The following VEZT variants were observed in gnomAD, a reference collection of about 807,000 sequenced individuals.
VEZT encodes vezatin, adherens junctions transmembrane protein, also known as vezatin.
A neutral mutation model predicts 79.9 loss-of-function variants in VEZT; 39 were observed. The ratio of observed to expected loss-of-function variants is 0.49; its 90% CI spans 0.38 to 0.64. The LOEUF (loss-of-function observed/expected upper bound fraction) is 0.64, where lower values mean the gene tolerates loss of function less well. Among genes scored for constraint, VEZT ranks in the 30% least tolerant of loss-of-function variants. The pLI is 0.00. For synonymous variants in VEZT, 325 were observed against 327.6 expected (o/e 0.99, Z 0.09); for missense variants, 837 against 893.1 (o/e 0.94, Z 0.80).
At position 95,262,974 on chromosome 12, in the gene VEZT, G is replaced by A; in HGVS notation, c.327G>A (p.Val109=). 6.2e-7 allele frequency: 1 copy of A among 1,613,352 alleles called. No individual in the cohort carries two copies. Among genetic ancestry groups the A allele is most frequent in the Non-Finnish European group, 8.5e-7 (1 of 1,179,400 alleles). The change falls in exon 4 of 12, where the codon GTG becomes GTA. Residue 109 remains valine, a synonymous_variant. Transcript: ENST00000436874. ...AGGAAGTCCTGTTACAAGAGGATGTGGAGCTGATTGAGCTACTTGATCCCA... is the reference window on the plus strand; with the variant it reads ...AGGAAGTCCTGTTACAAGAGGATGTAGAGCTGATTGAGCTACTTGATCCCA... ...LQQEVLLQED[V]ELIELLDPSI... is the part of the protein sequence containing the mutation.
intron 8 of VEZT, chr12:95,286,669 A>G (rs574574880): frequency 4.5e-5 from 18 of 398,160 alleles, no homozygotes; most frequent in South Asian, 3.7e-4. Context: ...GTTCCAAAGT[A>G]TTGTCAGCAT....
In VEZT at chr12:95,278,570, T is replaced by C. The variant is rs767536446; in HGVS notation, c.996+3681T>C. Among the ~76,000 whole-genome samples, 104 of 152,304 alleles carry C rather than the reference T, an allele frequency of 6.8e-4. 1 individual carries two copies. The highest frequency in any genetic ancestry group is 1.0e-3 in the South Asian group (5 of 4,828). ...GTTATTCAGATAAGAAATTTAAAAATAGATTTTGTAAGTTAAATTTTTAAA... is the reference window on the plus strand; with the variant it reads ...GTTATTCAGATAAGAAATTTAAAAACAGATTTTGTAAGTTAAATTTTTAAA... On this transcript the variant is annotated intron_variant, in intron 7 of 11. Transcript: ENST00000436874.
chr12:95,300,776 G>A lies in VEZT; in HGVS notation c.*103G>A. On this transcript the variant is annotated 3_prime_UTR_variant, in exon 12 of 12. Coordinates refer to ENST00000436874, the MANE Select transcript of VEZT (RefSeq NM_017599.4). Reference sequence around the variant, plus strand: ...TGAGTGTAAGTTTACTATATATAAAGCTAAGATGTGGATTTACAGGAAGAA... The same window carrying A: ...TGAGTGTAAGTTTACTATATATAAAACTAAGATGTGGATTTACAGGAAGAA... 1 of 1,370,796 alleles carries A rather than the reference G, an allele frequency of 7.3e-7. No homozygotes were observed. Among genetic ancestry groups the A allele is most frequent in the East Asian group, 2.6e-5 (1 of 38,522 alleles). 84.9% of individuals were successfully genotyped at this position (1,370,796 alleles called of 1,614,324 possible). A position where few individuals can be genotyped will look rare whatever the true frequency, so the allele number is the denominator to read the frequency against.
intron 1 of VEZT, among the ~76,000 whole-genome samples, chr12:95,240,026 AAGGAAGG>A: frequency 4.1e-5 from 1 of 24,536 alleles, no homozygotes; most frequent in Non-Finnish European, 1.1e-4. Context: ...GAAAGAAAGG[AAGGAAGG>A]AAGGAAGGAA....
intron 8 of VEZT, among the ~76,000 whole-genome samples, chr12:95,282,923 G>C (rs530644878): frequency 1.2e-4 from 18 of 152,196 alleles, no homozygotes; most frequent in Admixed American, 2.6e-4. Flanking sequence ...CTCTTTGAGA[G>C]CTGAAATGGA....
intron 1 of VEZT, among the ~76,000 whole-genome samples, chr12:95,219,475 C>T (rs140533041): frequency 5.1e-4 from 77 of 152,202 alleles, no homozygotes; most frequent in African/African-American, 1.7e-3. Flanking sequence ...AGGTATACCA[C>T]GTAGAATTTT....
intron 2 of VEZT, chr12:95,252,317 T>G (rs1050266480): frequency 2.6e-5 from 8 of 306,140 alleles, no homozygotes; most frequent in Admixed American, 1.0e-4. Flanking sequence ...ATTTAAATAT[T>G]GATGCTATCC....
chr12:95,255,749 A>G (rs2063367743), intron 2 of VEZT, among the ~76,000 whole-genome samples: 1 of 151,942 alleles, frequency 6.6e-6, no homozygotes, highest in African/African-American at 2.4e-5. Flanking sequence ...CCTTTTAATC[A>G]TGCTTCTTGT....
At chr12:95,258,959 G>A (rs1454308817) in intron 3 of VEZT, among the ~76,000 whole-genome samples, 1 of 152,148 alleles carries the variant, frequency 6.6e-6, no homozygotes, top group East Asian at 1.9e-4. Context: ...GAATTCCTAA[G>A]TACTTTCTCA....
chr12:95,285,375 T>G (rs1056687443), intron 8 of VEZT, among the ~76,000 whole-genome samples: 9 of 151,702 alleles, frequency 5.9e-5, no homozygotes, highest in Admixed American at 5.3e-4. Context: ...CCCCTGGAGG[T>G]TGAGGTTGCA....
chr12:95,239,397 T>C (rs905780020), intron 1 of VEZT, among the ~76,000 whole-genome samples: 7 of 151,960 alleles, frequency 4.6e-5, no homozygotes, highest in African/African-American at 1.7e-4. Context: ...GATAAAGGAG[T>C]AAATGATGAT....
At chr12:95,272,246 C>CAT (rs2066769591) in intron 6 of VEZT, among the ~76,000 whole-genome samples, 1 of 151,304 alleles carries the variant, frequency 6.6e-6, no homozygotes, top group East Asian at 1.9e-4. Context: ...AAAAAAAAAA[C>CAT]GGGAATAGGA....
chr12:95,220,846 A>T (rs180999931), intron 1 of VEZT, among the ~76,000 whole-genome samples: 1 of 152,170 alleles, frequency 6.6e-6, no homozygotes, highest in Admixed American at 6.5e-5. Context: ...TTTCTGGTGG[A>T]TATATATGTA....
At chr12:95,253,296 T>C (rs1227648940) in intron 2 of VEZT, among the ~76,000 whole-genome samples, 1 of 152,222 alleles carries the variant, frequency 6.6e-6, no homozygotes, top group Non-Finnish European at 1.5e-5. Context: ...AGAAGGATCC[T>C]TTCCCCAATC....
chr12:95,235,395 G>T (rs35155695), intron 1 of VEZT, among the ~76,000 whole-genome samples: 20,101 of 99,950 alleles, frequency 0.2, 4,137 homozygotes, highest in African/African-American at 0.39. Context: ...CCCGGACGGG[G>T]CGGCTGGCTG....
chr12:95,262,812 A>C, intron 3 of VEZT, 94 bp from the exon 4 acceptor site: 3 of 1,184,838 alleles, frequency 2.5e-6, no homozygotes, highest in Non-Finnish European at 3.3e-6. Flanking sequence ...CTGAAAATAA[A>C]CACCACCAAA....
chr12:95,233,703 A>G (rs562432164), intron 1 of VEZT, among the ~76,000 whole-genome samples: 2 of 152,164 alleles, frequency 1.3e-5, no homozygotes, highest in Non-Finnish European at 2.9e-5. Flanking sequence ...TGCCTGGCCA[A>G]TGTTGGTATA....
intron 8 of VEZT, 66 bp downstream of exon 8, chr12:95,282,710 G>T: frequency 7.2e-7 from 1 of 1,390,876 alleles, no homozygotes. Context: ...GTACCATTGT[G>T]GTTGTTGGCT....
intron 1 of VEZT, among the ~76,000 whole-genome samples, chr12:95,220,427 G>A (rs2057391771): frequency 6.6e-6 from 1 of 152,140 alleles, no homozygotes; most frequent in African/African-American, 2.4e-5. Context: ...CTGTACTCCA[G>A]CCTGGATGAC....
Sources: allele counts gnomAD v4.1 joint callset (sites outside exome capture counted in the v4.1 genomes callset), GRCh38; gene constraint gnomAD v4.1.1; transcripts MANE v1.5; gene names NCBI Gene and HGNC (gene_info 2026-07-23, HGNC 2026-07-21).